The following RGPD8 variants were observed in gnomAD, a reference collection of about 807,000 sequenced individuals.
The protein encoded by RGPD8 is RANBP2 like and GRIP domain containing 8, also known as RANBP2-like and GRIP domain-containing protein 8.
In RGPD8, 15 loss-of-function variants were observed where a neutral mutation model predicts 89.1. The observed-to-expected ratio is 0.17, with a 90% CI of 0.11 to 0.26. RGPD8 has a LOEUF of 0.26. RGPD8 is among the 10% of genes least tolerant of loss of function. The pLI, the probability that RGPD8 is intolerant of heterozygous loss-of-function variation, is 1.00. For synonymous variants in RGPD8, 62 were observed against 420.9 expected, an observed-to-expected ratio of 0.15 and a Z score of 10.44; for missense variants, 178 against 1,179.6, an observed-to-expected ratio of 0.15 and a Z score of 12.44.
At chr2:112,426,646 G>C (rs1271635546) in intron 1 of RGPD8, among the ~76,000 whole-genome samples, 1 of 149,770 alleles carries the variant, frequency 6.7e-6, no homozygotes, top group Admixed American at 6.6e-5. Flanking sequence ...ACAAGGAGGT[G>C]AGAGACTTGT....
rs768699319 is a variant in RGPD8, at chr2:112,433,363, C to G, written c.72+19G>C. ...GCCCGGCCGGGTCGAGGCCGCCGCT[C>G]TCTTCCAGACCCACTCACCTGTCGA... is the stretch of plus-strand genomic sequence containing the variant. On this transcript the variant is annotated intron_variant, in intron 1 of 22. Coordinates refer to ENST00000302558, the MANE Select transcript of RGPD8 (RefSeq NM_001164463.1). 6.9e-6 allele frequency: 11 copies of G among 1,602,708 alleles called. No homozygotes were observed. The highest frequency in any genetic ancestry group is 2.2e-5 in the South Asian group (2 of 90,340).
chr2:112,429,338 C>T (rs1389236320), intron 1 of RGPD8, among the ~76,000 whole-genome samples: 1 of 140,870 alleles, frequency 7.1e-6, no homozygotes, highest in Non-Finnish European at 1.5e-5. Context: ...ATGGCGTGAA[C>T]CCCGGAGGCA....
chr2:112,417,186 T>A lies in RGPD8; in HGVS notation c.782+7A>T. 2 of 1,609,098 alleles carry A rather than the reference T, an allele frequency of 1.2e-6. No individual in the cohort carries two copies. Among genetic ancestry groups the A allele is most frequent in the South Asian group, 1.1e-5 (1 of 90,968 alleles). ...ATACTAAAGCATTCTCCTCAAAGTC[T>A]ACGCACCTTTCCAGTAATTCTCTAT... is the stretch of plus-strand genomic sequence containing the variant. On this transcript the variant is annotated splice_region_variant and intron_variant, in intron 6 of 22. Transcript: ENST00000302558.
chr2:112,411,244 G>A (rs1187556880), intron 7 of RGPD8, among the ~76,000 whole-genome samples: 137 of 135,938 alleles, frequency 1.0e-3, no homozygotes, highest in Non-Finnish European at 1.6e-3. Flanking sequence ...TTTTCCTTTC[G>A]AAAGTTATGC....
At chr2:112,432,219 T>C (rs1226652811) in intron 1 of RGPD8, among the ~76,000 whole-genome samples, 2 of 152,174 alleles carry the variant, frequency 1.3e-5, no homozygotes, top group Non-Finnish European at 2.9e-5. Context: ...TAAAGTCTTA[T>C]TGAATCCAAA....
intron 1 of RGPD8, chr2:112,432,537 C>T: frequency 1.0e-6 from 1 of 985,400 alleles, no homozygotes; most frequent in Non-Finnish European, 1.2e-6. Flanking sequence ...TACCTTGTCA[C>T]TCGACGCAGC....
intron 1 of RGPD8, among the ~76,000 whole-genome samples, chr2:112,429,472 G>A (rs1162189873): frequency 1.3e-5 from 2 of 150,004 alleles, no homozygotes; most frequent in Non-Finnish European, 3.0e-5. Flanking sequence ...TGGGAGAAAG[G>A]GAATTAAAAA....
At chr2:112,430,845 T>C (rs1679997912) in intron 1 of RGPD8, among the ~76,000 whole-genome samples, 1 of 151,964 alleles carries the variant, frequency 6.6e-6, no homozygotes, top group Non-Finnish European at 1.5e-5. Flanking sequence ...TAGTCTCAGC[T>C]ACCCAGGAGG....
chr2:112,416,180 T>C (rs1323497355), intron 6 of RGPD8, among the ~76,000 whole-genome samples: 6 of 152,066 alleles, frequency 3.9e-5, no homozygotes, highest in Non-Finnish European at 8.8e-5. Context: ...TAAAAGGAAC[T>C]TGTGACCAAA....
intron 7 of RGPD8, among the ~76,000 whole-genome samples, chr2:112,409,814 A>G (rs1171937490): frequency 6.2e-5 from 9 of 144,448 alleles, no homozygotes; most frequent in East Asian, 3.9e-4. Context: ...CCAAAACTAC[A>G]TATCAAAAAA....
chr2:112,428,957 A>G (rs1022959113), intron 1 of RGPD8, among the ~76,000 whole-genome samples: 2 of 152,146 alleles, frequency 1.3e-5, no homozygotes, highest in Non-Finnish European at 1.5e-5. Flanking sequence ...AAAAAAAACA[A>G]CAAAAAACTG....
chr2:112,425,333 T>G (rs1381660816), intron 1 of RGPD8, among the ~76,000 whole-genome samples: 1 of 150,080 alleles, frequency 6.7e-6, no homozygotes, highest in African/African-American at 2.5e-5. Flanking sequence ...CATGTACTGT[T>G]CTCTCTACAG....
chr2:112,428,011 C>A (rs1266025716), intron 1 of RGPD8, among the ~76,000 whole-genome samples: 1 of 152,284 alleles, frequency 6.6e-6, no homozygotes, highest in African/African-American at 2.4e-5. Flanking sequence ...AGAAATAATA[C>A]AAGAAATGCT....
chr2:112,371,232 T>G (rs1330313636), intron 22 of RGPD8, among the ~76,000 whole-genome samples: 1 of 104,162 alleles, frequency 9.6e-6, no homozygotes, highest in Non-Finnish European at 1.9e-5. Flanking sequence ...TTTCAGCATA[T>G]AGCACTGAGT....
chr2:112,427,581 G>C (rs955076786), intron 1 of RGPD8, among the ~76,000 whole-genome samples: 1 of 152,136 alleles, frequency 6.6e-6, no homozygotes, highest in Non-Finnish European at 1.5e-5. Context: ...CAGTAAGATA[G>C]AGATGTAATT....
chr2:112,428,947 A>T (rs187472228), intron 1 of RGPD8, among the ~76,000 whole-genome samples: 23 of 152,038 alleles, frequency 1.5e-4, no homozygotes, highest in Admixed American at 7.2e-4. Flanking sequence ...AAAGTATAAT[A>T]AAAAAAACAA....
At chr2:112,416,088 C>CAAAAAAAAAAAAAAAAA (rs1168507298) in intron 6 of RGPD8, among the ~76,000 whole-genome samples, 144 of 88,890 alleles carry the variant, frequency 1.6e-3, no homozygotes, top group Non-Finnish European at 2.0e-3. Flanking sequence ...GACTCCATCT[C>CAAAAAAAAAAAAAAAAA]AAAAAAAAAA....
At chr2:112,425,521 A>C (rs1435461004) in intron 1 of RGPD8, among the ~76,000 whole-genome samples, 1 of 151,992 alleles carries the variant, frequency 6.6e-6, no homozygotes, top group Admixed American at 6.6e-5. Context: ...GCACTTTCGG[A>C]GACTGAGGCG....
rs1380521192 is a variant in RGPD8, at chr2:112,412,591, AAAG to A, written c.815_817del (p.Ser272del). The A allele has an allele frequency of 1.2e-3, 553 of 466,564 alleles. No homozygotes were observed. The African/African-American group carries it at 0.013, about 11-fold the overall frequency. 28.9% of individuals were successfully genotyped at this position (466,564 alleles called of 1,614,324 possible). A position where few individuals can be genotyped will look rare whatever the true frequency, so the allele number is the denominator to read the frequency against. Reference sequence around the variant, plus strand: ...AGCTGACAGTTCATCATTTCCACCCAAAGAAGATTTCGCAGACTGAAGAGCACT... The same window carrying A: ...AGCTGACAGTTCATCATTTCCACCCAAAGATTTCGCAGACTGAAGAGCACT... On this transcript the variant is annotated inframe_deletion, in exon 7 of 23. Coordinates refer to ENST00000302558, the MANE Select transcript of RGPD8 (RefSeq NM_001164463.1).
Sources: gnomAD v4.1 joint callset for allele counts (sites outside exome capture counted in the v4.1 genomes callset) on GRCh38, gnomAD v4.1.1 for gene constraint, MANE v1.5 for transcripts, NCBI Gene and HGNC (gene_info 2026-07-23, HGNC 2026-07-21) for gene names.